TUBGCP5: variants seen among roughly 807,000 people sequenced by gnomAD.
TUBGCP5 encodes the protein gamma-tubulin complex component 5.
A neutral mutation model predicts 134.7 loss-of-function variants in TUBGCP5; 98 were observed. The observed-to-expected ratio is 0.73, with a 90% CI of 0.62 to 0.86. TUBGCP5 has a LOEUF of 0.86. TUBGCP5 is among the 40% of genes least tolerant of loss of function. TUBGCP5 has a pLI of 0.00. For missense variants in TUBGCP5, 1,150 were observed against 1,244.8 expected (o/e 0.92, Z 1.15); for synonymous variants, 456 against 431.4 (o/e 1.06, Z -0.71).
intron 14 of TUBGCP5, among the ~76,000 whole-genome samples, chr15:23,010,538 T>G (rs2064974540): frequency 6.6e-6 from 1 of 152,186 alleles, no homozygotes; most frequent in Non-Finnish European, 1.5e-5. Context: ...ATCTTCTGGG[T>G]AAATGATGAC....
At position 23,008,795 on chromosome 15, in the gene TUBGCP5, T is replaced by A. The variant is rs375057442; in HGVS notation, c.2231A>T (p.Asp744Val). The A allele has an allele frequency of 6.2e-7, 1 of 1,603,064 alleles. No homozygotes were observed. The highest frequency in any genetic ancestry group is 1.4e-5 in the African/African-American group (1 of 74,032). ...TMYDFYTSIF[D>V]KIREKETWQN... is the part of the protein sequence containing the mutation. ...CCATGTTTCCTTTTCTCTTATTTTA[T>A]CAAAAATTGACGTGTAGAAGTCATA... The change falls in exon 16 of 23, where the codon GAT becomes GTT. Residue 744 changes from aspartate (D) to valine (V), a missense_variant. Physicochemically the swap from Asp to Val is radical, Grantham distance 152. Transcript: ENST00000615383.
chr15:23,024,869 C>CTAGAAAAATATTCATGACAGTA, intron 8 of TUBGCP5, 39 bp from the exon 9 acceptor site: 1 of 1,234,932 alleles, frequency 8.1e-7, no homozygotes, highest in Non-Finnish European at 1.2e-6. Flanking sequence ...TACTTTAAGT[C>CTAGAAAAATATTCATGACAGTA]TAGAAAAATA....
Position 23,008,718 on chromosome 15 carries a change from A to C in TUBGCP5, c.2308T>G (p.Tyr770Asp). Reference protein sequence around the residue: ...VQLQEAVGQRYPEDSSRLSIS... With the variant: ...VQLQEAVGQRDPEDSSRLSIS... ...TTTTACCGTGAACTATCTTCAGGAT[A>C]ACGCTGTCCTACTGCTTCTTGGAGT... Residue 770 changes from tyrosine (Y) to aspartate (D), a missense_variant, in exon 16 of 23, where the codon TAT becomes GAT. Physicochemically the swap from Tyr to Asp is radical, Grantham distance 160. Coordinates refer to ENST00000615383, the MANE Select transcript of TUBGCP5 (RefSeq NM_052903.6). The C allele has an allele frequency of 6.2e-7, 1 of 1,608,190 alleles. No individual in the cohort carries two copies.
intron 23 of TUBGCP5, among the ~76,000 whole-genome samples, chr15:22,986,737 CAAA>C (rs35935898): frequency 1.6e-5 from 2 of 126,620 alleles, no homozygotes; most frequent in Non-Finnish European, 1.7e-5. Flanking sequence ...GACTCTGTCT[CAAA>C]AAAAAAAAAA....
At chr15:22,991,331 G>C in intron 23 of TUBGCP5, among the ~76,000 whole-genome samples, 1 of 152,214 alleles carries the variant, frequency 6.6e-6, no homozygotes, top group Middle Eastern at 3.4e-3. Context: ...CATGACCTCA[G>C]GTGATCCGCC....
chr15:22,986,855 T>G (rs74003057), intron 23 of TUBGCP5, among the ~76,000 whole-genome samples: 7,415 of 152,046 alleles, frequency 0.049, 616 homozygotes, highest in African/African-American at 0.17. Flanking sequence ...TCTGGGGACT[T>G]GGAAATATTC....
chr15:23,026,216 G>A lies in TUBGCP5; in HGVS notation c.738-11C>T. 1 of 1,608,526 alleles carries A rather than the reference G, an allele frequency of 6.2e-7. No homozygotes were observed. The highest frequency in any genetic ancestry group is 8.5e-7 in the Non-Finnish European group (1 of 1,175,718). ...TACAAGTGTTGGTCCCTATGAGACA[G>A]CAAACATAAATGTCAATAGAAAGGT... On this transcript the variant is annotated splice_polypyrimidine_tract_variant and intron_variant, in intron 7 of 22. Coordinates refer to ENST00000615383, the MANE Select transcript of TUBGCP5 (RefSeq NM_052903.6).
intron 6 of TUBGCP5, among the ~76,000 whole-genome samples, chr15:23,028,492 C>T (rs1202397036): frequency 6.6e-6 from 1 of 150,930 alleles, no homozygotes; most frequent in East Asian, 1.9e-4. Flanking sequence ...AATTCAACAT[C>T]AGAAAATCTA....
In TUBGCP5 at chr15:23,025,779, T is replaced by C. The variant is rs2065949235; in HGVS notation, c.827+337A>G. 2.1e-5 allele frequency among the ~76,000 whole-genome samples: 3 copies of C among 145,550 alleles called. No individual in the cohort carries two copies. The South Asian group carries it at 6.4e-4, about 31-fold the overall frequency. On this transcript the variant is annotated intron_variant, in intron 8 of 22. Transcript: ENST00000615383. ...CCAGGAGGTGAAGCTTGCAGTGAGC[T>C]GAGATAGAGCTACTGCACTCCAGCC...
At chr15:22,989,182 T>C (rs2063775262) in intron 23 of TUBGCP5, among the ~76,000 whole-genome samples, 1 of 152,174 alleles carries the variant, frequency 6.6e-6, no homozygotes, top group Admixed American at 6.5e-5. Context: ...TTAATTCTCC[T>C]CTTGCCATGT....
intron 13 of TUBGCP5, among the ~76,000 whole-genome samples, chr15:23,012,209 G>A (rs764269672): frequency 2.6e-5 from 4 of 151,544 alleles, no homozygotes; most frequent in African/African-American, 7.3e-5. Flanking sequence ...GATAGGAGTC[G>A]CAGTCTCATT....
At position 23,003,160 on chromosome 15, in the gene TUBGCP5, A is replaced by G; in HGVS notation, c.2839-7T>C. 6.2e-7 allele frequency: 1 copy of G among 1,613,892 alleles called. No homozygotes were observed. Among genetic ancestry groups the G allele is most frequent in the Non-Finnish European group, 8.5e-7 (1 of 1,179,778 alleles). Reference sequence around the variant, plus strand: ...CTTCTTTCACAAAGCTGACCTGCAGACCAAAGTCACAGAACACAAACTGTG... The same window carrying G: ...CTTCTTTCACAAAGCTGACCTGCAGGCCAAAGTCACAGAACACAAACTGTG... On this transcript the variant is annotated splice_region_variant and splice_polypyrimidine_tract_variant and intron_variant, in intron 20 of 22. Transcript: ENST00000615383.
intron 23 of TUBGCP5, among the ~76,000 whole-genome samples, chr15:22,984,383 G>T (rs1421828582): frequency 6.6e-6 from 1 of 152,144 alleles, no homozygotes; most frequent in Non-Finnish European, 1.5e-5. Flanking sequence ...ACTTTGGGAG[G>T]CCAAGACGTG....
chr15:22,995,181 T>G (rs531529857), downstream of TUBGCP5, among the ~76,000 whole-genome samples: 16 of 151,796 alleles, frequency 1.1e-4, no homozygotes, highest in East Asian at 3.1e-3. Context: ...GAGGCAGAGG[T>G]TGAGGTGAGC....
In TUBGCP5 at chr15:23,039,380, G is replaced by C; in HGVS notation, c.146+18C>G. The stretch of plus-strand genomic sequence containing the variant: ...CCGGGCTGTGGCCGGGAACCCGCCC[G>C]CGCGCCGTGCCCCACACCTGAAGTT... On this transcript the variant is annotated intron_variant, in intron 1 of 22. Transcript: ENST00000615383. 6.4e-6 allele frequency: 9 copies of C among 1,416,754 alleles called. No homozygotes were observed. The highest frequency in any genetic ancestry group is 8.4e-6 in the Non-Finnish European group (9 of 1,072,486). 87.8% of individuals were successfully genotyped at this position (1,416,754 alleles called of 1,614,324 possible).
Position 23,019,156 on chromosome 15 carries a change from T to C in TUBGCP5, c.1487+63A>G, listed in dbSNP as rs1159601550. 10 of 1,214,658 alleles carry C rather than the reference T, an allele frequency of 8.2e-6. No homozygotes were observed. In the Admixed American group the frequency reaches 1.7e-4, roughly 21 times the overall value. 75.2% of individuals were successfully genotyped at this position (1,214,658 alleles called of 1,614,324 possible). A position where few individuals can be genotyped will look rare whatever the true frequency, so the allele number is the denominator to read the frequency against. On this transcript the variant is annotated intron_variant, in intron 12 of 22. Transcript: ENST00000615383. ...GTCTGAAACTAACGAAAGCATTTGA[T>C]TTTCATGGGGAGGAAACTGGTGATG... is the stretch of plus-strand genomic sequence containing the variant.
chr15:23,004,098 G>C lies in TUBGCP5; in HGVS notation c.2838+4C>G. The C allele has an allele frequency of 6.2e-7, 1 of 1,607,258 alleles. No individual in the cohort carries two copies. Among genetic ancestry groups the C allele is most frequent in the Non-Finnish European group, 8.5e-7 (1 of 1,178,120 alleles). On this transcript the variant is annotated splice_donor_region_variant and intron_variant, in intron 20 of 22. Transcript: ENST00000615383. ...GCCACATCTGCAGGAGACATCTCATGTACCTTTTCTCTCAGCAGACACCGG... is the reference window on the plus strand; with the variant it reads ...GCCACATCTGCAGGAGACATCTCATCTACCTTTTCTCTCAGCAGACACCGG...
intron 11 of TUBGCP5, among the ~76,000 whole-genome samples, chr15:23,020,395 A>G (rs1017611206): frequency 2.0e-5 from 3 of 150,102 alleles, no homozygotes; most frequent in African/African-American, 7.4e-5. Flanking sequence ...CGACAGGGCG[A>G]GACTCCATCT....
intron 7 of TUBGCP5, among the ~76,000 whole-genome samples, chr15:23,026,719 G>A (rs571467815): frequency 7.3e-4 from 111 of 152,240 alleles, no homozygotes; most frequent in African/African-American, 2.5e-3. Flanking sequence ...GATCACTTGA[G>A]GACAGGAGTT....
Sources: allele counts gnomAD v4.1 joint callset (sites outside exome capture counted in the v4.1 genomes callset), GRCh38; gene constraint gnomAD v4.1.1; transcripts MANE v1.5; gene names NCBI Gene and HGNC (gene_info 2026-07-23, HGNC 2026-07-21).